Variants in HEXB observed in about 807,000 individuals in gnomAD.
HEXB encodes the protein beta-hexosaminidase subunit beta.
HEXB carries 51 observed loss-of-function variants against 71.2 expected under a neutral mutation model. The ratio of observed to expected loss-of-function variants is 0.72; its 90% CI spans 0.57 to 0.90. The LOEUF is 0.90. HEXB is among the 40% of genes least tolerant of loss of function. The probability of loss-of-function intolerance (pLI) is 0.00; values close to 1 mark genes in which losing one functional copy is unlikely to be tolerated. For missense variants in HEXB, 617 were observed against 677.0 expected (o/e 0.91, Z 0.98); for synonymous variants, 266 against 249.3 (o/e 1.07, Z -0.63).
At chr5:74,717,011 GA>G (rs2112177680) in intron 9 of HEXB, among the ~76,000 whole-genome samples, 1 of 152,280 alleles carries the variant, frequency 6.6e-6, no homozygotes, top group South Asian at 2.1e-4. Flanking sequence ...CCAACATGGT[GA>G]AATCCCATCT....
chr5:74,651,377 A>G (rs1203118969), intron 1 of HEXB, among the ~76,000 whole-genome samples: 1 of 152,228 alleles, frequency 6.6e-6, no homozygotes, highest in Non-Finnish European at 1.5e-5. Context: ...AATACGTTTA[A>G]CAAATGAATG....
In HEXB at chr5:74,651,085, A is replaced by T. The variant is rs375798791; in HGVS notation, c.-377+10527A>T. Among the ~76,000 whole-genome samples the T allele has an allele frequency of 3.0e-4, 45 of 152,348 alleles. 2 individuals are homozygous for T. The East Asian group carries it at 3.9e-3, about 13-fold the overall frequency. On this transcript the variant is annotated intron_variant, in intron 1 of 13. Transcript: ENST00000511181. The stretch of plus-strand genomic sequence containing the variant: ...CAGCCATTCAGTAATATGACCATTC[A>T]TAGAGATCTTCAGTTTCAGAATGCT...
intron 1 of HEXB, among the ~76,000 whole-genome samples, chr5:74,654,488 C>T (rs59496823): frequency 0.29 from 43,377 of 151,922 alleles, 6,931 homozygotes; most frequent in African/African-American, 0.4. Context: ...GAAATAATGC[C>T]TCCTTGGAAG....
At chr5:74,716,180 C>T (rs568214973) in intron 8 of HEXB, among the ~76,000 whole-genome samples, 1 of 152,032 alleles carries the variant, frequency 6.6e-6, no homozygotes, top group Middle Eastern at 3.4e-3. Flanking sequence ...GGAGAATGTA[C>T]ATTTTGGTAT....
intron 6 of HEXB, among the ~76,000 whole-genome samples, chr5:74,707,720 G>A (rs1273752208): frequency 4.6e-5 from 7 of 152,142 alleles, no homozygotes; most frequent in Non-Finnish European, 1.0e-4. Flanking sequence ...GAAATGAAGT[G>A]AGAAGGGAAG....
chr5:74,646,480 T>A (rs1748003141), intron 1 of HEXB, among the ~76,000 whole-genome samples: 2 of 152,140 alleles, frequency 1.3e-5, no homozygotes, highest in African/African-American at 2.4e-5. Flanking sequence ...GGAGTCTGCC[T>A]TTGCCTTTTC....
upstream of HEXB, among the ~76,000 whole-genome samples, chr5:74,681,018 C>T (rs531101324): frequency 6.6e-6 from 1 of 152,312 alleles, no homozygotes; most frequent in Admixed American, 6.5e-5. Context: ...TGTTTCAATT[C>T]CATGCGTTAG....
rs3058406 is a variant in HEXB at position 74,644,764 on chromosome 5, C to CTTTTTTTTTTTTTTTTTTTTT, written c.-377+4211_-377+4231dup. Among the ~76,000 whole-genome samples, 2 of 72,936 alleles carry CTTTTTTTTTTTTTTTTTTTTT rather than the reference C, an allele frequency of 2.7e-5. 1 individual carries two copies. The allele number at this position is 72,936 out of a possible 152,430, so 47.8% of individuals were successfully genotyped here. On this transcript the variant is annotated intron_variant, in intron 1 of 13. Transcript: ENST00000511181. ...GAGAGTATTCTTCCTCTTTTTTTTC[C>CTTTTTTTTTTTTTTTTTTTTT]TTTTTTTTTTTTTTTTTTTTTTTTT...
intron 1 of HEXB, among the ~76,000 whole-genome samples, chr5:74,677,888 A>T (rs997936127): frequency 1.3e-5 from 2 of 151,992 alleles, no homozygotes; most frequent in Non-Finnish European, 2.9e-5. Flanking sequence ...ACAGTCCATT[A>T]TATCGCTCTG....
At chr5:74,712,444 A>AG (rs2112169803) in intron 6 of HEXB, among the ~76,000 whole-genome samples, 1 of 151,896 alleles carries the variant, frequency 6.6e-6, no homozygotes, top group Admixed American at 6.6e-5. Context: ...AATAAAAAAA[A>AG]GAAATGCTTT....
rs1580379700 is a variant in HEXB, at chr5:74,689,619, G to C, written c.445+146G>C. On this transcript the variant is annotated intron_variant, in intron 2 of 13. Coordinates refer to ENST00000261416, the MANE Select transcript of HEXB (RefSeq NM_000521.4). ...ATTTTAAAAATAACCTTTAAAGTCTGATTATAAAAGTAGTACATAGTCTTT... is the reference window on the plus strand; with the variant it reads ...ATTTTAAAAATAACCTTTAAAGTCTCATTATAAAAGTAGTACATAGTCTTT... The C allele has an allele frequency of 4.0e-6, 3 of 750,828 alleles. No individual in the cohort carries two copies. In the East Asian group the frequency reaches 7.3e-5, roughly 18 times the overall value. The allele number at this position is 750,828 out of a possible 1,614,324, so 46.5% of individuals were successfully genotyped here. A position where few individuals can be genotyped will look rare whatever the true frequency, so the allele number is the denominator to read the frequency against.
intron 9 of HEXB, 51 bp downstream of exon 9, chr5:74,716,724 A>G (rs1174809840): frequency 3.5e-6 from 4 of 1,147,822 alleles, no homozygotes; most frequent in Non-Finnish European, 5.2e-6. Context: ...GTAAAAGTTT[A>G]TTTAGTAATG....
intron 6 of HEXB, among the ~76,000 whole-genome samples, chr5:74,712,120 T>C (rs1266691184): frequency 6.9e-5 from 10 of 144,792 alleles, no homozygotes; most frequent in Admixed American, 3.5e-4. Context: ...GATGAGTTCA[T>C]GTCCTTTGTA....
chr5:74,697,216 A>G, intron 5 of HEXB, 110 bp downstream of exon 5: 1 of 693,926 alleles, frequency 1.4e-6, no homozygotes, highest in Non-Finnish European at 2.6e-6. Context: ...AATTTGTATA[A>G]GCACTGGGCA....
chr5:74,693,340 C>T (rs1341749319), intron 2 of HEXB: 11 of 457,694 alleles, frequency 2.4e-5, no homozygotes, highest in South Asian at 8.6e-5. Context: ...CCCAAATTCC[C>T]GTTCTGAGTG....
chr5:74,682,780 T>C (rs1330630424), upstream of HEXB, among the ~76,000 whole-genome samples: 4 of 152,220 alleles, frequency 2.6e-5, no homozygotes, highest in Non-Finnish European at 5.9e-5. Flanking sequence ...TTTTCTTTTA[T>C]GGAAGAATTT....
intron 1 of HEXB, among the ~76,000 whole-genome samples, chr5:74,675,834 A>G (rs1399258510): frequency 1.3e-5 from 2 of 152,314 alleles, no homozygotes; most frequent in East Asian, 3.9e-4. Flanking sequence ...CAGCAAGTGG[A>G]AAGATCTCTC....
At chr5:74,645,258 C>A (rs1049665732) in intron 1 of HEXB, among the ~76,000 whole-genome samples, 2 of 152,192 alleles carry the variant, frequency 1.3e-5, no homozygotes, top group Non-Finnish European at 2.9e-5. Context: ...AGTGGCTATT[C>A]ACAGGCCGAC....
intron 1 of HEXB, among the ~76,000 whole-genome samples, chr5:74,661,902 A>G (rs1434504246): frequency 6.6e-6 from 1 of 152,238 alleles, no homozygotes; most frequent in Non-Finnish European, 1.5e-5. Flanking sequence ...GCCTGGCCAC[A>G]TATAGCCAAA....
Sources: allele counts gnomAD v4.1 joint callset (sites outside exome capture counted in the v4.1 genomes callset), GRCh38; gene constraint gnomAD v4.1.1; transcripts MANE v1.5; gene names NCBI Gene and HGNC (gene_info 2026-07-23, HGNC 2026-07-21).